Variants in HNRNPUL1 observed in about 807,000 individuals in gnomAD.
HNRNPUL1 encodes heterogeneous nuclear ribonucleoprotein U like 1.
A neutral mutation model predicts 108.5 loss-of-function variants in HNRNPUL1; 14 were observed. That is an observed-to-expected ratio of 0.13 (90% CI 0.09 to 0.20). The LOEUF (loss-of-function observed/expected upper bound fraction) is 0.20, where lower values mean the gene tolerates loss of function less well. HNRNPUL1 is among the 10% of genes least tolerant of loss of function. The pLI, the probability that HNRNPUL1 is intolerant of heterozygous loss-of-function variation, is 1.00. For missense variants in HNRNPUL1, 804 were observed against 1,168.3 expected (o/e 0.69, Z 4.55); for synonymous variants, 422 against 445.2 (o/e 0.95, Z 0.66).
intron 2 of HNRNPUL1, among the ~76,000 whole-genome samples, chr19:41,270,854 C>T (rs1437100427): frequency 2.0e-5 from 3 of 152,150 alleles, no homozygotes; most frequent in African/African-American, 7.2e-5. Flanking sequence ...CTCGGCCTCC[C>T]AGAGTGCTGG....
Position 41,304,161 on chromosome 19 carries a change from G to C in HNRNPUL1, c.2162G>C (p.Arg721Pro), listed in dbSNP as rs532169618. The C allele has an allele frequency of 6.2e-7, 1 of 1,614,042 alleles. No individual in the cohort carries two copies. Among genetic ancestry groups the C allele is most frequent in the African/African-American group, 1.3e-5 (1 of 74,986 alleles). The part of the protein sequence containing the change: ...PPPPPSYSPA[R>P]NPPGASTYNK... Reference sequence around the variant, plus strand: ...CCACCACCCAGCTACAGCCCTGCTCGGAACCCCCCAGGGGCCAGCACCTAC... The same window carrying C: ...CCACCACCCAGCTACAGCCCTGCTCCGAACCCCCCAGGGGCCAGCACCTAC... Residue 721 changes from arginine (R) to proline (P), a missense_variant, in exon 13 of 15, where the codon CGG (arginine) becomes CCG (proline). By Grantham distance (103) the Arg-to-Pro change is moderately radical. Transcript: ENST00000392006.
intron 8 of HNRNPUL1, among the ~76,000 whole-genome samples, chr19:41,293,493 G>A (rs940704399): frequency 1.3e-5 from 2 of 151,976 alleles, no homozygotes; most frequent in Non-Finnish European, 2.9e-5. Context: ...TTACAAACTC[G>A]CCACTCCCCC....
chr19:41,284,652 CAAAAT>C (rs1011087768), intron 7 of HNRNPUL1, among the ~76,000 whole-genome samples: 1 of 151,758 alleles, frequency 6.6e-6, no homozygotes, highest in African/African-American at 2.4e-5. Flanking sequence ...GACTCTGTCT[CAAAAT>C]AAATAAATAA....
intron 7 of HNRNPUL1, among the ~76,000 whole-genome samples, chr19:41,288,938 A>G (rs369102478): frequency 6.6e-6 from 1 of 152,296 alleles, no homozygotes; most frequent in East Asian, 1.9e-4. Flanking sequence ...CATTTTGCAC[A>G]TAGAATTTTG....
chr19:41,291,860 A>T (rs1157642754), intron 7 of HNRNPUL1: 1 of 199,788 alleles, frequency 5.0e-6, no homozygotes, highest in East Asian at 1.3e-4. Flanking sequence ...ACATGCCTGT[A>T]GTCCCAGCTA....
At position 41,294,739 on chromosome 19, in the gene HNRNPUL1, T is replaced by C. The variant is rs1460831277; in HGVS notation, c.1518+53T>C. ...AGGAGAAGGGAGGGGACCCCTTGCATGCCTGAGAATCTCCCTCTGGTCCCT... is the reference window on the plus strand; with the variant it reads ...AGGAGAAGGGAGGGGACCCCTTGCACGCCTGAGAATCTCCCTCTGGTCCCT... On this transcript the variant is annotated intron_variant, in intron 10 of 14. Transcript: ENST00000392006. The surrounding 1 kb of genome is among the most constrained non-coding windows in gnomAD (Gnocchi z 4.3). 1 of 1,600,978 alleles carries C rather than the reference T, an allele frequency of 6.2e-7. No individual in the cohort carries two copies. The highest frequency in any genetic ancestry group is 8.6e-7 in the Non-Finnish European group (1 of 1,169,264).
chr19:41,276,905 C>G (rs937352170), intron 5 of HNRNPUL1: 2 of 152,214 alleles, frequency 1.3e-5, no homozygotes, highest in African/African-American at 4.8e-5. Flanking sequence ...CAATACCAAA[C>G]TGGCCAAGAT....
chr19:41,305,905 TTC>T, intron 14 of HNRNPUL1, 38 bp downstream of exon 14: 4 of 1,350,802 alleles, frequency 3.0e-6, no homozygotes, highest in Non-Finnish European at 4.2e-6. Flanking sequence ...ATGGAGAGAC[TTC>T]CATGGGCCCC....
chr19:41,304,992 G>T lies in HNRNPUL1; in HGVS notation c.2263-684G>T, dbSNP rs141746788. Among the ~76,000 whole-genome samples, 965 of 152,248 alleles carry T rather than the reference G, an allele frequency of 6.3e-3. 8 individuals are homozygous for T. Among genetic ancestry groups the T allele is most frequent in the Non-Finnish European group, 9.7e-3 (658 of 68,014 alleles). ...TGTGAGCTTGGACAAATAGCTTCCC[G>T]TCTCTGGGCCTCATTTTCCTCATAA... is the stretch of plus-strand genomic sequence containing the variant. On this transcript the variant is annotated intron_variant, in intron 13 of 14. Coordinates refer to ENST00000392006, the MANE Select transcript of HNRNPUL1 (RefSeq NM_007040.6).
intron 7 of HNRNPUL1, among the ~76,000 whole-genome samples, chr19:41,291,050 A>C (rs1307841052): frequency 3.3e-5 from 5 of 152,210 alleles, no homozygotes; most frequent in East Asian, 1.9e-4. Flanking sequence ...CCGTCTCAAC[A>C]AAAAGAGGGG....
intron 1 of HNRNPUL1, among the ~76,000 whole-genome samples, chr19:41,267,310 CTG>C (rs1186171127): frequency 6.6e-6 from 1 of 152,192 alleles, no homozygotes; most frequent in African/African-American, 2.4e-5. Context: ...GGGGCTGCCT[CTG>C]TGAACACAGG....
intron 7 of HNRNPUL1, among the ~76,000 whole-genome samples, chr19:41,282,911 G>T (rs961853515): frequency 3.3e-5 from 5 of 150,694 alleles, no homozygotes; most frequent in Non-Finnish European, 7.4e-5. Context: ...AGCCGGGATG[G>T]TCTCGATCTC....
At chr19:41,264,948 G>C (rs1008321754) in intron 1 of HNRNPUL1, 150 bp downstream of exon 1, 2 of 1,340,656 alleles carry the variant, frequency 1.5e-6, no homozygotes, top group African/African-American at 3.1e-5. Context: ...CTGGGGACCA[G>C]GGCCCCAGCA....
intron 8 of HNRNPUL1, among the ~76,000 whole-genome samples, chr19:41,293,790 A>G (rs935780105): frequency 1.3e-5 from 2 of 152,194 alleles, no homozygotes; most frequent in African/African-American, 2.4e-5. Context: ...CCTTGAGTAT[A>G]GGAGTTTGAG....
rs974954835 is a variant in HNRNPUL1 at position 41,264,409 on chromosome 19, C to A, written c.-95C>A. On this transcript the variant is annotated 5_prime_UTR_variant, in exon 1 of 15. Transcript: ENST00000392006. ...TGCCGCCATTGGAGTGGGCCCCCCC[C>A]CTTTCCCCCTTCGCCTCCTGACAGG... 420 of 1,095,282 alleles carry A rather than the reference C, an allele frequency of 3.8e-4. No homozygotes were observed. Among genetic ancestry groups the A allele is most frequent in the Non-Finnish European group, 4.2e-4 (356 of 846,108 alleles). The allele number at this position is 1,095,282 out of a possible 1,614,324, so 67.8% of individuals were successfully genotyped here. A position where few individuals can be genotyped will look rare whatever the true frequency, so the allele number is the denominator to read the frequency against.
rs2034686132 is a variant in HNRNPUL1, at chr19:41,264,554, C to T, written c.51C>T (p.Arg17=). Residue 17 remains arginine (R), a synonymous_variant, in exon 1 of 15, where the codon CGC becomes CGT. Transcript: ENST00000392006. ...KVNELREELQ[R]RGLDTRGLKA... ...ACGAACTTCGCGAGGAGCTGCAGCG[C>T]CGCGGCCTGGACACTCGAGGCCTCA... The T allele has an allele frequency of 7.9e-6, 12 of 1,520,780 alleles. No homozygotes were observed. The highest frequency in any genetic ancestry group is 1.4e-5 in the African/African-American group (1 of 70,664). The allele number at this position is 1,520,780 out of a possible 1,614,324, so 94.2% of individuals were successfully genotyped here.
At position 41,306,707 on chromosome 19, in the gene HNRNPUL1, C is replaced by T; in HGVS notation, c.*142C>T. 4.5e-6 allele frequency: 2 copies of T among 449,194 alleles called. No homozygotes were observed. The highest frequency in any genetic ancestry group is 7.8e-6 in the Non-Finnish European group (2 of 257,376). The allele number at this position is 449,194 out of a possible 1,614,324, so 27.8% of individuals were successfully genotyped here. A position where few individuals can be genotyped will look rare whatever the true frequency, so the allele number is the denominator to read the frequency against. On this transcript the variant is annotated 3_prime_UTR_variant, in exon 15 of 15. Transcript: ENST00000392006. ...GCTGCCTCCCTCCAGCCCACTGCCTCCCCTCTGAGGGGCTTCCTTCCCCTC... is the reference window on the plus strand; with the variant it reads ...GCTGCCTCCCTCCAGCCCACTGCCTTCCCTCTGAGGGGCTTCCTTCCCCTC...
chr19:41,274,940 A>G (rs1294268874), intron 4 of HNRNPUL1, among the ~76,000 whole-genome samples: 2 of 152,218 alleles, frequency 1.3e-5, no homozygotes. Flanking sequence ...GGCAGCGTCT[A>G]GATGAAATGC....
Position 41,307,019 on chromosome 19 carries a change from T to TA in HNRNPUL1, c.*464dup, listed in dbSNP as rs200936072. The stretch of plus-strand genomic sequence containing the variant: ...TGTTTTACTGTCTACTTTTCAGGAT[T>TA]AAAAAAAAAATCAAAACTTAAAAAA... On this transcript the variant is annotated 3_prime_UTR_variant, in exon 15 of 15. Transcript: ENST00000392006. 1,606 of 148,340 alleles carry TA rather than the reference T, an allele frequency of 0.011. 27 individuals carry two copies. The highest frequency in any genetic ancestry group is 0.034 in the African/African-American group (1,377 of 40,024). The allele number at this position is 148,340 out of a possible 1,614,324, so 9.2% of individuals were successfully genotyped here.
Sources: gnomAD v4.1 joint callset for allele counts (sites outside exome capture counted in the v4.1 genomes callset) on GRCh38, gnomAD v4.1.1 for gene constraint, Gnocchi (gnomAD v3.1) non-coding constraint, MANE v1.5 for transcripts, NCBI Gene and HGNC (gene_info 2026-07-23, HGNC 2026-07-21) for gene names.